GLIS1: variants seen among roughly 807,000 people sequenced by gnomAD.
GLIS1 encodes the protein GLIS family zinc finger 1, also known as zinc finger protein GLIS1.
GLIS1 carries 24 observed loss-of-function variants against 63.8 expected under a neutral mutation model. That is an observed-to-expected ratio of 0.38 (90% CI 0.27 to 0.53). GLIS1 has a LOEUF of 0.53. Ranked by LOEUF, GLIS1 falls within the 20% of genes least tolerant of loss-of-function variation. The probability of loss-of-function intolerance (pLI) is 0.85; values close to 1 mark genes in which losing one functional copy is unlikely to be tolerated. For synonymous variants in GLIS1, 450 were observed against 482.5 expected (o/e 0.93, Z 0.88); for missense variants, 1,036 against 1,074.1 (o/e 0.96, Z 0.50).
chr1:53,719,585 C>T (rs919440281), intron 2 of GLIS1, among the ~76,000 whole-genome samples: 1 of 152,146 alleles, frequency 6.6e-6, no homozygotes, highest in Non-Finnish European at 1.5e-5. Context: ...ACTAATACCC[C>T]GTTACACGTA....
At chr1:53,678,348 A>AGGGGG (rs1646238583) in intron 2 of GLIS1, among the ~76,000 whole-genome samples, 1 of 2,620 alleles carries the variant, frequency 3.8e-4, no homozygotes, top group African/African-American at 1.4e-3. Context: ...GGTGGGGGGC[A>AGGGGG]GGGGGGAGCG....
chr1:53,643,990 G>A (rs1283782861), intron 2 of GLIS1, among the ~76,000 whole-genome samples: 1 of 152,216 alleles, frequency 6.6e-6, no homozygotes, highest in Non-Finnish European at 1.5e-5. Context: ...CAAGCCTGGA[G>A]TTCTTTCCCT....
intron 4 of GLIS1, among the ~76,000 whole-genome samples, chr1:53,535,960 G>A (rs1033212716): frequency 3.3e-5 from 5 of 152,032 alleles, no homozygotes; most frequent in African/African-American, 9.7e-5. Flanking sequence ...ATGCATTCCA[G>A]CTTCAGATCA....
rs1189357295 is a variant in GLIS1 at position 53,539,505 on chromosome 1, T to C, written c.1321-9553A>G. On this transcript the variant is annotated intron_variant, in intron 4 of 10. Coordinates refer to ENST00000628545, the MANE Select transcript of GLIS1 (RefSeq NM_001367484.1). This position sits in a 1 kb window ranked among gnomAD's most constrained non-coding sequence, Gnocchi z 5.0. The stretch of plus-strand genomic sequence containing the variant: ...ACACACACGTACCACACCCCCAACA[T>C]ACACACACCACACCACACACACACA... Among the ~76,000 whole-genome samples the C allele has an allele frequency of 1.1e-4, 13 of 121,520 alleles. No individual in the cohort carries two copies. In the East Asian group the frequency reaches 1.5e-3, roughly 14 times the overall value. 79.7% of individuals were successfully genotyped at this position (121,520 alleles called of 152,430 possible).
At chr1:53,513,533 A>G (rs958414718) in intron 8 of GLIS1, among the ~76,000 whole-genome samples, 2 of 151,964 alleles carry the variant, frequency 1.3e-5, no homozygotes, top group Non-Finnish European at 2.9e-5. Flanking sequence ...ATCCAACTCC[A>G]GCCTCACCTC....
At chr1:53,580,864 T>G (rs1198681721) in intron 4 of GLIS1, among the ~76,000 whole-genome samples, 1 of 152,174 alleles carries the variant, frequency 6.6e-6, no homozygotes, top group East Asian at 1.9e-4. Flanking sequence ...AATGCAAAAT[T>G]GTACTCCTGC....
chr1:53,553,784 G>T (rs986909631), intron 4 of GLIS1, among the ~76,000 whole-genome samples: 1 of 152,110 alleles, frequency 6.6e-6, no homozygotes. Context: ...TTGGATAAAG[G>T]GAATAGTCCA....
At chr1:53,719,259 G>A (rs1001071716) in intron 2 of GLIS1, among the ~76,000 whole-genome samples, 1 of 152,212 alleles carries the variant, frequency 6.6e-6, no homozygotes, top group Non-Finnish European at 1.5e-5. Flanking sequence ...CTCACTGCTC[G>A]GCGTCCAGGG....
At chr1:53,563,050 A>G (rs1033352225) in intron 4 of GLIS1, among the ~76,000 whole-genome samples, 1 of 152,224 alleles carries the variant, frequency 6.6e-6, no homozygotes, top group Non-Finnish European at 1.5e-5. Context: ...GGGTTATAGG[A>G]GGTAAGGACA....
chr1:53,630,140 AATC>A (rs1233695301), intron 2 of GLIS1, among the ~76,000 whole-genome samples: 29 of 152,262 alleles, frequency 1.9e-4, no homozygotes, highest in Non-Finnish European at 5.9e-5. Context: ...CTAAATATCA[AATC>A]ATGAGTGTTT....
At chr1:53,648,729 CGA>C (rs1396600637) in intron 2 of GLIS1, among the ~76,000 whole-genome samples, 1 of 152,014 alleles carries the variant, frequency 6.6e-6, no homozygotes, top group Admixed American at 6.6e-5. Context: ...AAATCGGACA[CGA>C]GAGAGTATGT....
At chr1:53,587,232 C>T (rs568464446) in intron 4 of GLIS1, among the ~76,000 whole-genome samples, 3 of 152,184 alleles carry the variant, frequency 2.0e-5, no homozygotes, top group African/African-American at 4.8e-5. Context: ...GTTAATGTAC[C>T]GGATGACATG....
chr1:53,593,704 C>A (rs1246831143), intron 4 of GLIS1, among the ~76,000 whole-genome samples: 1 of 152,216 alleles, frequency 6.6e-6, no homozygotes, highest in Non-Finnish European at 1.5e-5. Flanking sequence ...GTGGTGAGGG[C>A]CCAGCGCTGG....
intron 2 of GLIS1, among the ~76,000 whole-genome samples, chr1:53,679,638 C>A (rs1646253715): frequency 6.6e-6 from 1 of 152,204 alleles, no homozygotes. Context: ...GAAGTCTGAG[C>A]CACAGAACCA....
chr1:53,599,898 A>G (rs1645298197), intron 3 of GLIS1, among the ~76,000 whole-genome samples: 1 of 152,260 alleles, frequency 6.6e-6, no homozygotes, highest in African/African-American at 2.4e-5. Context: ...GCAGGGAAAC[A>G]CCTCAACAGA....
At chr1:53,583,235 C>T (rs531262509) in intron 4 of GLIS1, among the ~76,000 whole-genome samples, 1 of 152,318 alleles carries the variant, frequency 6.6e-6, no homozygotes, top group South Asian at 2.1e-4. Context: ...AGCAATCCAG[C>T]CACCGCCCTG....
chr1:53,514,287 C>G (rs978580671), intron 8 of GLIS1, among the ~76,000 whole-genome samples: 9 of 152,138 alleles, frequency 5.9e-5, no homozygotes, highest in African/African-American at 1.9e-4. Context: ...AGTGAGGCCC[C>G]GAGGAGGCCT....
intron 2 of GLIS1, among the ~76,000 whole-genome samples, chr1:53,685,766 C>T (rs533595244): frequency 5.3e-5 from 8 of 152,308 alleles, no homozygotes; most frequent in East Asian, 1.9e-4. Flanking sequence ...GCGGCTTCAG[C>T]GCTGGCCACC....
rs147195188 is a variant in GLIS1 at position 53,538,420 on chromosome 1, C to T, written c.1321-8468G>A. ...AAACACCATCTCACTAATCCTGCAACCCCTATTGTTACAGAGGTGGAAACT... is the reference window on the plus strand; with the variant it reads ...AAACACCATCTCACTAATCCTGCAATCCCTATTGTTACAGAGGTGGAAACT... On this transcript the variant is annotated intron_variant, in intron 4 of 10. Coordinates refer to ENST00000628545, the MANE Select transcript of GLIS1 (RefSeq NM_001367484.1). 4.0e-3 allele frequency among the ~76,000 whole-genome samples: 604 copies of T among 152,306 alleles called. 2 individuals carry two copies. The highest frequency in any genetic ancestry group is 5.2e-3 in the Non-Finnish European group (351 of 68,020).
Sources: allele counts gnomAD v4.1 joint callset (sites outside exome capture counted in the v4.1 genomes callset), GRCh38; gene constraint gnomAD v4.1.1; non-coding constraint Gnocchi (gnomAD v3.1); transcripts MANE v1.5; gene names NCBI Gene and HGNC (gene_info 2026-07-23, HGNC 2026-07-21).